CNTNAP2: variants seen among roughly 807,000 people sequenced by gnomAD.
The protein encoded by CNTNAP2 is contactin associated protein 2.
A neutral mutation model predicts 155.2 loss-of-function variants in CNTNAP2; 98 were observed. The ratio of observed to expected loss-of-function variants is 0.63; its 90% CI spans 0.54 to 0.75. The LOEUF (loss-of-function observed/expected upper bound fraction) is 0.75, where lower values mean the gene tolerates loss of function less well. Among genes scored for constraint, CNTNAP2 ranks in the 30% least tolerant of loss-of-function variants. The probability of loss-of-function intolerance (pLI) is 0.00; values close to 1 mark genes in which losing one functional copy is unlikely to be tolerated. For missense variants in CNTNAP2, 1,727 were observed against 1,688.1 expected (o/e 1.02, Z -0.40); for synonymous variants, 651 against 631.2 (o/e 1.03, Z -0.47).
intron 1 of CNTNAP2, among the ~76,000 whole-genome samples, chr7:146,697,817 A>G (rs1290197195): frequency 2.0e-5 from 3 of 152,076 alleles, no homozygotes; most frequent in East Asian, 1.9e-4. Context: ...AATGCCTACC[A>G]TAATTTATAA....
intron 8 of CNTNAP2, among the ~76,000 whole-genome samples, chr7:147,134,715 GTAAA>G (rs1801444611): frequency 6.6e-6 from 1 of 151,874 alleles, no homozygotes; most frequent in African/African-American, 2.4e-5. Flanking sequence ...AATTAAATGT[GTAAA>G]TAAGTTAGTA....
chr7:146,116,824 G>A lies in CNTNAP2; in HGVS notation c.-53G>A, dbSNP rs1584757045. On this transcript the variant is annotated 5_prime_UTR_variant, in exon 1 of 24. Transcript: ENST00000361727. The surrounding 1 kb of genome is among the most constrained non-coding windows in gnomAD (Gnocchi z 5.5). ...CCCTTCAAGAACCCTACGGAGAGTCGGACTGCATCTCCGCAGCGAGCTCTT... is the reference window on the plus strand; with the variant it reads ...CCCTTCAAGAACCCTACGGAGAGTCAGACTGCATCTCCGCAGCGAGCTCTT... 2.8e-6 allele frequency: 4 copies of A among 1,409,346 alleles called. No homozygotes were observed. Among genetic ancestry groups the A allele is most frequent in the Non-Finnish European group, 3.9e-6 (4 of 1,030,198 alleles). The allele number at this position is 1,409,346 out of a possible 1,614,324, so 87.3% of individuals were successfully genotyped here. A position where few individuals can be genotyped will look rare whatever the true frequency, so the allele number is the denominator to read the frequency against.
intron 1 of CNTNAP2, among the ~76,000 whole-genome samples, chr7:146,181,401 T>C (rs952349448): frequency 6.6e-6 from 1 of 152,158 alleles, no homozygotes; most frequent in Non-Finnish European, 1.5e-5. Flanking sequence ...TAGGGTAACA[T>C]GCCATGATAA....
chr7:147,242,987 A>ATTTTTTT (rs766917054), intron 8 of CNTNAP2, among the ~76,000 whole-genome samples: 3,439 of 47,068 alleles, frequency 0.073, 974 homozygotes, highest in Middle Eastern at 0.14. Flanking sequence ...TATGCTTTGC[A>ATTTTTTT]TTTTTTTTTT....
At chr7:146,814,652 C>T (rs1041550206) in intron 2 of CNTNAP2, among the ~76,000 whole-genome samples, 8 of 152,024 alleles carry the variant, frequency 5.3e-5, no homozygotes, top group African/African-American at 1.9e-4. Flanking sequence ...GTAGAACCAC[C>T]AAGAATTCTG....
intron 1 of CNTNAP2, among the ~76,000 whole-genome samples, chr7:146,260,106 G>A (rs1799898717): frequency 1.3e-5 from 2 of 152,228 alleles, no homozygotes; most frequent in African/African-American, 4.8e-5. Flanking sequence ...GAGGGTGCAA[G>A]CCCCAAGCCT....
chr7:147,493,957 A>G (rs1798651215), intron 11 of CNTNAP2, among the ~76,000 whole-genome samples: 2 of 152,218 alleles, frequency 1.3e-5, no homozygotes, highest in South Asian at 2.1e-4. Flanking sequence ...TATGGTTTTC[A>G]ATAGAATATA....
At chr7:147,871,661 C>CTTTT (rs5888290) in intron 13 of CNTNAP2, among the ~76,000 whole-genome samples, 4 of 142,520 alleles carry the variant, frequency 2.8e-5, no homozygotes, top group African/African-American at 1.0e-4. Flanking sequence ...ATTCCTTTCT[C>CTTTT]TTTTTTTTTT....
intron 3 of CNTNAP2, among the ~76,000 whole-genome samples, chr7:146,970,765 T>A (rs947159359): frequency 6.6e-6 from 1 of 152,212 alleles, no homozygotes; most frequent in Non-Finnish European, 1.5e-5. Context: ...TGCACACGTA[T>A]GTTTATTGCG....
intron 13 of CNTNAP2, among the ~76,000 whole-genome samples, chr7:147,679,778 C>T (rs1391419296): frequency 6.6e-6 from 1 of 151,680 alleles, no homozygotes; most frequent in Non-Finnish European, 1.5e-5. Flanking sequence ...TTTCTCTTTG[C>T]CTTAGTTGAT....
chr7:147,182,749 T>G (rs1415823965), intron 8 of CNTNAP2, among the ~76,000 whole-genome samples: 1 of 152,130 alleles, frequency 6.6e-6, no homozygotes, highest in African/African-American at 2.4e-5. Flanking sequence ...TTTCTCTGCT[T>G]TACAATTTAA....
intron 21 of CNTNAP2, among the ~76,000 whole-genome samples, chr7:148,315,046 G>T (rs987425668): frequency 2.0e-5 from 3 of 152,214 alleles, no homozygotes; most frequent in Non-Finnish European, 4.4e-5. Flanking sequence ...AGAGTAAAAA[G>T]AGGCCGCTTA....
At chr7:147,564,880 T>G (rs1350505445) in intron 12 of CNTNAP2, among the ~76,000 whole-genome samples, 6 of 152,158 alleles carry the variant, frequency 3.9e-5, no homozygotes, top group Admixed American at 3.3e-4. Flanking sequence ...CAAACATCAG[T>G]GTGTTCAAGG....
intron 3 of CNTNAP2, among the ~76,000 whole-genome samples, chr7:146,891,346 T>A (rs992544810): frequency 2.0e-5 from 3 of 152,148 alleles, no homozygotes; most frequent in Non-Finnish European, 4.4e-5. Context: ...CCAACTTCAG[T>A]GTCACACAAT....
intron 13 of CNTNAP2, among the ~76,000 whole-genome samples, chr7:147,656,505 G>A (rs1795527319): frequency 6.6e-6 from 1 of 152,128 alleles, no homozygotes; most frequent in Non-Finnish European, 1.5e-5. Context: ...TTGTCTCAAG[G>A]AATAAGAAGG....
At chr7:147,241,643 A>G (rs1425151658) in intron 8 of CNTNAP2, among the ~76,000 whole-genome samples, 1 of 151,688 alleles carries the variant, frequency 6.6e-6, no homozygotes, top group African/African-American at 2.4e-5. Context: ...AAGGAAAAAA[A>G]AAAAAAAAAA....
Position 147,841,415 on chromosome 7 carries a change from A to G in CNTNAP2, c.2099-62150A>G, listed in dbSNP as rs116424960. 2.4e-3 allele frequency among the ~76,000 whole-genome samples: 369 copies of G among 152,284 alleles called. 1 individual carries two copies. The highest frequency in any genetic ancestry group is 8.6e-3 in the African/African-American group (356 of 41,546). ...AGAACTGACTAGATAAAATGTCATG[A>G]GCACCTCCTGTGAGGGAAAGACCGA... On this transcript the variant is annotated intron_variant, in intron 13 of 23. Coordinates refer to ENST00000361727, the MANE Select transcript of CNTNAP2 (RefSeq NM_014141.6).
chr7:147,359,895 T>A (rs1419057485), intron 9 of CNTNAP2, among the ~76,000 whole-genome samples: 1 of 152,180 alleles, frequency 6.6e-6, no homozygotes, highest in East Asian at 1.9e-4. Context: ...CCTAATATGA[T>A]ATGTTCTTTA....
intron 17 of CNTNAP2, among the ~76,000 whole-genome samples, chr7:148,150,549 G>GA (rs960596881): frequency 2.8e-4 from 40 of 145,028 alleles, no homozygotes; most frequent in Admixed American, 6.2e-4. Context: ...CTCTGTCTCA[G>GA]AAAAAAAAAA....
Sources: allele counts gnomAD v4.1 joint callset (sites outside exome capture counted in the v4.1 genomes callset), GRCh38; gene constraint gnomAD v4.1.1; non-coding constraint Gnocchi (gnomAD v3.1); transcripts MANE v1.5; gene names NCBI Gene and HGNC (gene_info 2026-07-23, HGNC 2026-07-21).